Variants in MYRIP observed in about 807,000 individuals in gnomAD.
MYRIP encodes myosin VIIA and Rab interacting protein.
In MYRIP, 49 loss-of-function variants were observed where a neutral mutation model predicts 98.0. The observed-to-expected ratio is 0.50, with a 90% CI of 0.40 to 0.63. The LOEUF is 0.63. Among genes scored for constraint, MYRIP ranks in the 30% least tolerant of loss-of-function variants. The probability of loss-of-function intolerance (pLI) is 0.00; values close to 1 mark genes in which losing one functional copy is unlikely to be tolerated. For missense variants in MYRIP, 1,004 were observed against 1,058.2 expected, an observed-to-expected ratio of 0.95 and a Z score of 0.71; for synonymous variants, 404 against 409.5, an observed-to-expected ratio of 0.99 and a Z score of 0.16.
At chr3:40,256,843 T>G (rs564329593) in intron 16 of MYRIP, among the ~76,000 whole-genome samples, 2 of 152,252 alleles carry the variant, frequency 1.3e-5, no homozygotes, top group Non-Finnish European at 2.9e-5. Context: ...AAAAGATTCA[T>G]GTTGTGAAGC....
At chr3:39,827,959 A>T (rs1489776766) in intron 1 of MYRIP, among the ~76,000 whole-genome samples, 2 of 151,960 alleles carry the variant, frequency 1.3e-5, no homozygotes, top group Non-Finnish European at 2.9e-5. Context: ...GTCTACTCTT[A>T]GTCTCATGGG....
chr3:39,908,751 CTT>C (rs1943943007), intron 2 of MYRIP, among the ~76,000 whole-genome samples: 2 of 152,160 alleles, frequency 1.3e-5, no homozygotes, highest in Non-Finnish European at 2.9e-5. Context: ...TTTTTACTGT[CTT>C]TTGTTCTGAA....
chr3:40,156,381 G>T (rs1454169504), intron 4 of MYRIP, among the ~76,000 whole-genome samples: 1 of 152,148 alleles, frequency 6.6e-6, no homozygotes, highest in Non-Finnish European at 1.5e-5. Context: ...TACCATGCTT[G>T]TTTGGTTACT....
At chr3:39,849,178 A>G (rs890349923) in intron 1 of MYRIP, among the ~76,000 whole-genome samples, 1 of 152,216 alleles carries the variant, frequency 6.6e-6, no homozygotes, top group Non-Finnish European at 1.5e-5. Context: ...ATGATGGGCT[A>G]CAACTTGCCT....
chr3:40,077,105 G>A (rs943737394), intron 3 of MYRIP, among the ~76,000 whole-genome samples: 6 of 152,020 alleles, frequency 3.9e-5, no homozygotes, highest in Non-Finnish European at 8.8e-5. Context: ...GGGTGTGTTC[G>A]GAGTTTCTTT....
chr3:39,965,830 A>G (rs533122192), intron 2 of MYRIP, among the ~76,000 whole-genome samples: 2 of 152,316 alleles, frequency 1.3e-5, no homozygotes, highest in East Asian at 1.9e-4. Context: ...CCAGGTTCAC[A>G]CATAAAATTG....
intron 3 of MYRIP, among the ~76,000 whole-genome samples, chr3:40,051,383 T>C (rs9854779): frequency 0.25 from 38,671 of 152,148 alleles, 5,101 homozygotes; most frequent in South Asian, 0.32. Flanking sequence ...TTAGCAATAA[T>C]GTATTTTAAT....
intron 2 of MYRIP, among the ~76,000 whole-genome samples, chr3:39,924,421 C>T (rs1443158671): frequency 3.3e-5 from 5 of 151,918 alleles, no homozygotes; most frequent in South Asian, 2.1e-4. Context: ...GGTCGATCAA[C>T]GAAGAAGGCA....
At position 40,214,620 on chromosome 3, in the gene MYRIP, C is replaced by A. The variant is rs535623669; in HGVS notation, c.1905+4527C>A. 3.9e-5 allele frequency among the ~76,000 whole-genome samples: 6 copies of A among 152,250 alleles called. No homozygotes were observed. In the East Asian group the frequency reaches 9.7e-4, roughly 25 times the overall value. ...GAACGAGCTTGGAGCCAGATCAAAA[C>A]TTCTTGGAAACTGGATTCCCAAAAG... is the stretch of plus-strand genomic sequence containing the variant. On this transcript the variant is annotated intron_variant, in intron 11 of 16. Coordinates refer to ENST00000302541, the MANE Select transcript of MYRIP (RefSeq NM_015460.4).
At chr3:40,123,606 C>T (rs143208621) in intron 3 of MYRIP, among the ~76,000 whole-genome samples, 6 of 152,302 alleles carry the variant, frequency 3.9e-5, no homozygotes, top group Admixed American at 3.3e-4. Context: ...ACATAAGTTA[C>T]AAGAGGCTGG....
chr3:39,893,244 G>A (rs1173124347), intron 1 of MYRIP, among the ~76,000 whole-genome samples: 3 of 152,034 alleles, frequency 2.0e-5, no homozygotes, highest in African/African-American at 7.2e-5. Context: ...ATTATCCTGT[G>A]CTCATCCCCA....
At chr3:39,859,280 G>A (rs905483132) in intron 1 of MYRIP, among the ~76,000 whole-genome samples, 1 of 152,072 alleles carries the variant, frequency 6.6e-6, no homozygotes, top group Admixed American at 6.6e-5. Flanking sequence ...TACCCTAGAA[G>A]AACGAGTAAA....
At chr3:39,978,602 C>T (rs1945811156) in intron 2 of MYRIP, among the ~76,000 whole-genome samples, 1 of 152,196 alleles carries the variant, frequency 6.6e-6, no homozygotes, top group Non-Finnish European at 1.5e-5. Context: ...TTGACATAAA[C>T]AGTCTTCCCC....
chr3:40,211,837 G>A (rs1265078366), intron 11 of MYRIP, among the ~76,000 whole-genome samples: 7 of 151,696 alleles, frequency 4.6e-5, no homozygotes, highest in African/African-American at 1.2e-4. Flanking sequence ...ACCAATGTAC[G>A]CTATTCTCCC....
chr3:40,219,381 A>G (rs1199491019), intron 11 of MYRIP, among the ~76,000 whole-genome samples: 1 of 152,198 alleles, frequency 6.6e-6, no homozygotes, highest in South Asian at 2.1e-4. Flanking sequence ...CATGTGCACA[A>G]CGTGCAGGTT....
chr3:40,192,309 C>CATATATATATGACATATATATATGAT (rs1322376887), intron 10 of MYRIP, among the ~76,000 whole-genome samples: 1 of 57,954 alleles, frequency 1.7e-5, no homozygotes, highest in Non-Finnish European at 2.8e-5. Context: ...TAGTTTTCTT[C>CATATATATATGACATATATATATGAT]ATATATATAT....
intron 2 of MYRIP, among the ~76,000 whole-genome samples, chr3:40,043,714 T>C (rs1284255399): frequency 1.3e-5 from 2 of 152,328 alleles, no homozygotes; most frequent in South Asian, 4.1e-4. Context: ...TAAAAAGGCA[T>C]TAATTAAGTT....
At chr3:39,894,472 T>C (rs541914180) in intron 1 of MYRIP, among the ~76,000 whole-genome samples, 1 of 152,356 alleles carries the variant, frequency 6.6e-6, no homozygotes, top group Admixed American at 6.5e-5. Flanking sequence ...CTGTGTAGTG[T>C]TCCCGTGGGT....
At chr3:40,100,548 G>A (rs541186398) in intron 3 of MYRIP, among the ~76,000 whole-genome samples, 2 of 152,318 alleles carry the variant, frequency 1.3e-5, no homozygotes, top group South Asian at 4.1e-4. Flanking sequence ...ACAAAAACAG[G>A]TAGAATTTTA....
Sources: gnomAD v4.1 joint callset for allele counts (sites outside exome capture counted in the v4.1 genomes callset) on GRCh38, gnomAD v4.1.1 for gene constraint, MANE v1.5 for transcripts, NCBI Gene and HGNC (gene_info 2026-07-23, HGNC 2026-07-21) for gene names.